The following TMEM182 variants were observed in gnomAD, a reference collection of about 807,000 sequenced individuals.
TMEM182 encodes transmembrane protein 182.
Under a neutral mutation model 26.8 loss-of-function variants are expected in TMEM182, and 20 were observed. The ratio of observed to expected loss-of-function variants is 0.75; its 90% CI spans 0.53 to 1.09. TMEM182 has a LOEUF of 1.09. Ranked by LOEUF, TMEM182 falls within the 50% of genes least tolerant of loss-of-function variation. The pLI is 0.00. For synonymous variants in TMEM182, 109 were observed against 102.2 expected, an observed-to-expected ratio of 1.07 and a Z score of -0.40; for missense variants, 277 against 275.5, an observed-to-expected ratio of 1.01 and a Z score of -0.04.
chr2:102,762,122 C>CTTT lies in TMEM182; in HGVS notation c.-82_-80dup, dbSNP rs5833037. 1.6e-5 allele frequency: 12 copies of CTTT among 736,612 alleles called. No homozygotes were observed. Among genetic ancestry groups the CTTT allele is most frequent in the African/African-American group, 1.2e-4 (6 of 52,040 alleles). The allele number at this position is 736,612 out of a possible 1,614,324, so 45.6% of individuals were successfully genotyped here. On this transcript the variant is annotated 5_prime_UTR_variant, in exon 1 of 5. Coordinates refer to ENST00000412401, the MANE Select transcript of TMEM182 (RefSeq NM_144632.5). ...ATTCTGCCAACTCAAAAATATTATT[C>CTTT]TTTTTTTTTTTTTTTTGCTGTTGTT... is the stretch of plus-strand genomic sequence containing the variant.
upstream of TMEM182, among the ~76,000 whole-genome samples, chr2:102,758,813 C>G (rs192812636): frequency 2.0e-5 from 3 of 152,268 alleles, no homozygotes; most frequent in African/African-American, 7.2e-5. Context: ...TTCTATTTTT[C>G]TCAATAGATG....
chr2:102,793,773 T>A (rs1369285518), intron 3 of TMEM182, among the ~76,000 whole-genome samples: 1 of 152,184 alleles, frequency 6.6e-6, no homozygotes, highest in Non-Finnish European at 1.5e-5. Flanking sequence ...ATATTTTTGA[T>A]CCATGGTTGG....
intron 3 of TMEM182, among the ~76,000 whole-genome samples, chr2:102,793,880 T>C (rs1681751292): frequency 6.6e-6 from 1 of 152,178 alleles, no homozygotes; most frequent in Admixed American, 6.5e-5. Flanking sequence ...GACCCCCTGC[T>C]GTGCAGTGAT....
In TMEM182 at chr2:102,816,399, G is replaced by C. The variant is rs1171907458; in HGVS notation, c.*1431G>C. The C allele has an allele frequency of 1.0e-6, 1 of 985,092 alleles. No homozygotes were observed. The highest frequency in any genetic ancestry group is 1.2e-6 in the Non-Finnish European group (1 of 829,898). The allele number at this position is 985,092 out of a possible 1,614,324, so 61.0% of individuals were successfully genotyped here. ...CAATGCCGTGGGAGAGGTGATCCCA[G>C]TCTTCTCTGTACATCTTGTGCTTTT... On this transcript the variant is annotated 3_prime_UTR_variant, in exon 5 of 5. Coordinates refer to ENST00000412401, the MANE Select transcript of TMEM182 (RefSeq NM_144632.5).
At chr2:102,837,899 T>C (rs1683275753) in intron 3 of TMEM182, among the ~76,000 whole-genome samples, 1 of 152,164 alleles carries the variant, frequency 6.6e-6, no homozygotes, top group African/African-American at 2.4e-5. Context: ...GCTAGCTACG[T>C]CATTCATGGG....
At chr2:102,841,875 A>G (rs939024602) in intron 3 of TMEM182, among the ~76,000 whole-genome samples, 2 of 152,168 alleles carry the variant, frequency 1.3e-5, no homozygotes, top group African/African-American at 4.8e-5. Flanking sequence ...CGCTATGTGT[A>G]TGTTACTTTG....
rs1682785264 is a variant in TMEM182 at position 102,817,168 on chromosome 2, T to C, written c.*2200T>C. ...AATATACTTAAAAATGGCAGAGTTA[T>C]ATAGTACATTATTGTAGCAACCTTA... On this transcript the variant is annotated 3_prime_UTR_variant, in exon 5 of 5. Transcript: ENST00000412401. 4.1e-6 allele frequency: 4 copies of C among 985,336 alleles called. No homozygotes were observed. Among genetic ancestry groups the C allele is most frequent in the Non-Finnish European group, 4.8e-6 (4 of 829,838 alleles). 61.0% of individuals were successfully genotyped at this position (985,336 alleles called of 1,614,324 possible).
At chr2:102,739,754 T>C (rs779932270) in intron 1 of TMEM182, among the ~76,000 whole-genome samples, 1 of 152,174 alleles carries the variant, frequency 6.6e-6, no homozygotes, top group Non-Finnish European at 1.5e-5. Flanking sequence ...AAACCTCTTT[T>C]CTTTATAAAT....
At chr2:102,810,312 T>G (rs941728761) in intron 4 of TMEM182, among the ~76,000 whole-genome samples, 1 of 152,190 alleles carries the variant, frequency 6.6e-6, no homozygotes, top group African/African-American at 2.4e-5. Flanking sequence ...TGCCTCCATT[T>G]TTCACTCTTG....
At chr2:102,826,378 A>G (rs1161282534) in intron 3 of TMEM182, among the ~76,000 whole-genome samples, 1 of 146,432 alleles carries the variant, frequency 6.8e-6, no homozygotes, top group East Asian at 2.1e-4. Context: ...TGTGGTTTAG[A>G]GAGAGGTCCC....
chr2:102,740,325 C>G (rs1471121653), intron 1 of TMEM182, among the ~76,000 whole-genome samples: 1 of 152,088 alleles, frequency 6.6e-6, no homozygotes, highest in East Asian at 1.9e-4. Flanking sequence ...GAGGTGGTTA[C>G]CTCCATGCTG....
chr2:102,829,969 G>A (rs950618889), intron 3 of TMEM182, among the ~76,000 whole-genome samples: 2 of 152,136 alleles, frequency 1.3e-5, no homozygotes, highest in African/African-American at 2.4e-5. Flanking sequence ...TCATATTACC[G>A]GTAAGAGTGA....
chr2:102,797,278 A>G (rs1171563538), intron 3 of TMEM182, among the ~76,000 whole-genome samples: 2 of 152,152 alleles, frequency 1.3e-5, no homozygotes, highest in Non-Finnish European at 2.9e-5. Context: ...AACTTCTTTT[A>G]TGGTTTTGCT....
intron 3 of TMEM182, among the ~76,000 whole-genome samples, chr2:102,781,388 A>C (rs1276491638): frequency 6.6e-6 from 1 of 152,190 alleles, no homozygotes; most frequent in African/African-American, 2.4e-5. Context: ...TGTTACATTT[A>C]AGATACATAG....
chr2:102,770,111 C>G (rs1042417832), intron 3 of TMEM182, among the ~76,000 whole-genome samples: 1 of 151,958 alleles, frequency 6.6e-6, no homozygotes, highest in Non-Finnish European at 1.5e-5. Context: ...ACCAATTATT[C>G]TTAGGGGAAG....
rs1416278842 is a variant in TMEM182 at position 102,787,962 on chromosome 2, C to G, written c.332-9901C>G. On this transcript the variant is annotated intron_variant, in intron 3 of 4. Transcript: ENST00000412401. The stretch of plus-strand genomic sequence containing the variant: ...GACTTGCAGAACCTGCTTTTTAAAA[C>G]TAGCCACTCAGAGGGACCAGGAGTC... Among the ~76,000 whole-genome samples the G allele has an allele frequency of 2.6e-5, 4 of 152,222 alleles. No individual in the cohort carries two copies. The South Asian group carries it at 8.3e-4, about 31-fold the overall frequency.
chr2:102,830,228 A>G (rs929428735), intron 3 of TMEM182, among the ~76,000 whole-genome samples: 1 of 152,256 alleles, frequency 6.6e-6, no homozygotes, highest in Non-Finnish European at 1.5e-5. Flanking sequence ...CTCAGACTTA[A>G]TGAACAATCA....
intron 3 of TMEM182, among the ~76,000 whole-genome samples, chr2:102,824,675 A>G (rs1174661705): frequency 2.0e-5 from 3 of 152,060 alleles, no homozygotes; most frequent in Middle Eastern, 3.2e-3. Flanking sequence ...TACAAAAAAA[A>G]TTAGCCAGGC....
At chr2:102,821,884 AG>A (rs1682922786), downstream of TMEM182, among the ~76,000 whole-genome samples, 1 of 151,570 alleles carries the variant, frequency 6.6e-6, no homozygotes, top group South Asian at 2.1e-4. Flanking sequence ...GCTACTCGGG[AG>A]GCTGAGGAAG....
Sources: allele counts gnomAD v4.1 joint callset (sites outside exome capture counted in the v4.1 genomes callset), GRCh38; gene constraint gnomAD v4.1.1; transcripts MANE v1.5; gene names NCBI Gene and HGNC (gene_info 2026-07-23, HGNC 2026-07-21).